The following ADAM20 variants were observed in gnomAD, a reference collection of about 807,000 sequenced individuals.
The protein encoded by ADAM20 is ADAM metallopeptidase domain 20.
For synonymous variants in ADAM20, 305 were observed against 310.2 expected (o/e 0.98, Z 0.18); for missense variants, 871 against 883.2 (o/e 0.99, Z 0.18).
chr14:70,523,853 T>C lies in ADAM20; in HGVS notation c.905A>G (p.Asp302Gly), dbSNP rs765607089. 4 of 1,613,988 alleles carry C rather than the reference T, an allele frequency of 2.5e-6. No individual in the cohort carries two copies. The highest frequency in any genetic ancestry group is 3.4e-6 in the Non-Finnish European group (4 of 1,179,942). The change falls in exon 2 of 2, where the codon GAC becomes GGC. Residue 302 changes from aspartate to glycine, a missense_variant. Transcript: ENST00000256389. Reference sequence around the variant, plus strand: ...AACACCAAGCTTCATGCCTTGTGTGTCTTTTATGAAAAGATGTGCAACATC... The same window carrying C: ...AACACCAAGCTTCATGCCTTGTGTGCCTTTTATGAAAAGATGTGCAACATC... ...QHDVAHLFIKDTQGMKLGVAY... is the reference protein window; with the variant it reads ...QHDVAHLFIKGTQGMKLGVAY...
chr14:70,567,593 A>G, the ADAM20 span, among the ~76,000 whole-genome samples: 2 of 152,106 alleles, frequency 1.3e-5, no homozygotes, highest in African/African-American at 4.8e-5. Flanking sequence ...AGCTTTTCAC[A>G]GCAGCTCCAT....
the ADAM20 span, chr14:70,556,659 C>G: frequency 6.6e-6 from 1 of 152,180 alleles, no homozygotes; most frequent in East Asian, 1.9e-4. Context: ...ACTGTACAGG[C>G]CCACTCATGT....
At chr14:70,534,102 AAAAAAAC>A (rs1482024250) in intron 1 of ADAM20, among the ~76,000 whole-genome samples, 12 of 149,618 alleles carry the variant, frequency 8.0e-5, no homozygotes, top group African/African-American at 2.9e-4. Context: ...AAAAAAAAAA[AAAAAAAC>A]ACACACACAC....
chr14:70,539,396 T>C (rs57032041), upstream of ADAM20, among the ~76,000 whole-genome samples: 16,678 of 152,240 alleles, frequency 0.11, 1,369 homozygotes, highest in East Asian at 0.49. Flanking sequence ...TTCATAGCTC[T>C]GGGAATGGAA....
chr14:70,564,010 T>C, the ADAM20 span, among the ~76,000 whole-genome samples: 2 of 152,216 alleles, frequency 1.3e-5, no homozygotes, highest in Admixed American at 6.5e-5. Flanking sequence ...CCTCAGCCCA[T>C]GACTTCTCCC....
the ADAM20 span, among the ~76,000 whole-genome samples, chr14:70,578,873 T>C: frequency 6.6e-6 from 1 of 152,152 alleles, no homozygotes; most frequent in African/African-American, 2.4e-5. Flanking sequence ...AAGTGCTTAT[T>C]GTTCCCATCT....
chr14:70,533,898 A>T (rs1595023557), intron 1 of ADAM20, among the ~76,000 whole-genome samples: 1 of 151,354 alleles, frequency 6.6e-6, no homozygotes, highest in South Asian at 2.1e-4. Context: ...GTCTGGCCAA[A>T]ATGGTGAAAC....
chr14:70,540,003 G>T (rs1184730445), upstream of ADAM20, among the ~76,000 whole-genome samples: 1 of 152,184 alleles, frequency 6.6e-6, no homozygotes, highest in Non-Finnish European at 1.5e-5. Flanking sequence ...GAGCCCTGTT[G>T]CATTGTGGGA....
chr14:70,563,773 T>C, the ADAM20 span, among the ~76,000 whole-genome samples: 1 of 152,164 alleles, frequency 6.6e-6, no homozygotes, highest in Non-Finnish European at 1.5e-5. Flanking sequence ...CACTTTACCT[T>C]CGCCATTAGT....
At position 70,532,577 on chromosome 14, in the gene ADAM20, T is replaced by A. The variant is rs1416593871; in HGVS notation, c.-177+2220A>T. Reference sequence around the variant, plus strand: ...ATTTAAATTACCATCCAATGTTAATTGTGATTAAGTTCCCTATTGATGCAA... The same window carrying A: ...ATTTAAATTACCATCCAATGTTAATAGTGATTAAGTTCCCTATTGATGCAA... On this transcript the variant is annotated intron_variant, in intron 1 of 1. Coordinates refer to ENST00000256389, the MANE Select transcript of ADAM20 (RefSeq NM_003814.5). 5.3e-5 allele frequency among the ~76,000 whole-genome samples: 8 copies of A among 152,290 alleles called. No homozygotes were observed. In the East Asian group the frequency reaches 1.5e-3, roughly 29 times the overall value.
At chr14:70,568,938 A>G in the ADAM20 span, among the ~76,000 whole-genome samples, 23 of 152,170 alleles carry the variant, frequency 1.5e-4, no homozygotes, top group Non-Finnish European at 2.5e-4. Context: ...AGAACCAGAT[A>G]TAAGAAACTG....
At chr14:70,541,952 T>TA in the ADAM20 span, among the ~76,000 whole-genome samples, 1 of 152,216 alleles carries the variant, frequency 6.6e-6, no homozygotes, top group Non-Finnish European at 1.5e-5. Context: ...ATAAGTGGTT[T>TA]TATAACTGCT....
upstream of ADAM20, among the ~76,000 whole-genome samples, chr14:70,538,907 C>T (rs1413386568): frequency 6.6e-6 from 1 of 152,198 alleles, no homozygotes; most frequent in Admixed American, 6.5e-5. Context: ...AAGTGATTCT[C>T]CTGCCTCAGC....
At chr14:70,545,488 T>C in the ADAM20 span, among the ~76,000 whole-genome samples, 22,634 of 151,780 alleles carry the variant, frequency 0.15, 2,402 homozygotes, top group East Asian at 0.49. Context: ...ACTTCACCTA[T>C]AAAGACACAC....
chr14:70,533,150 C>T (rs781278795), intron 1 of ADAM20, among the ~76,000 whole-genome samples: 6 of 152,028 alleles, frequency 3.9e-5, no homozygotes, highest in South Asian at 2.1e-4. Flanking sequence ...ACACTGTTGG[C>T]GAGAGTGTAA....
At chr14:70,541,162 C>A in the ADAM20 span, among the ~76,000 whole-genome samples, 1 of 152,140 alleles carries the variant, frequency 6.6e-6, no homozygotes, top group African/African-American at 2.4e-5. Context: ...ATGTTTACAA[C>A]AAGTCAGAAA....
At chr14:70,544,573 G>A in the ADAM20 span, among the ~76,000 whole-genome samples, 1 of 151,992 alleles carries the variant, frequency 6.6e-6, no homozygotes, top group Non-Finnish European at 1.5e-5. Flanking sequence ...AAATAACAGA[G>A]AAAATACCTA....
chr14:70,546,366 C>T, the ADAM20 span, among the ~76,000 whole-genome samples: 1 of 152,100 alleles, frequency 6.6e-6, no homozygotes, highest in Admixed American at 6.5e-5. Context: ...GGTCGAGGCA[C>T]AGCTTGGTTT....
chr14:70,524,800 G>A lies in ADAM20; in HGVS notation c.-43C>T. 1 of 1,613,600 alleles carries A rather than the reference G, an allele frequency of 6.2e-7. No individual in the cohort carries two copies. Among genetic ancestry groups the A allele is most frequent in the Non-Finnish European group, 8.5e-7 (1 of 1,179,930 alleles). ...GGAGCCATCTGTCTAGAGCAGAAGA[G>A]AACAAGGTGTGAGGCACTGCTGGTC... On this transcript the variant is annotated 5_prime_UTR_variant, in exon 2 of 2. Coordinates refer to ENST00000256389, the MANE Select transcript of ADAM20 (RefSeq NM_003814.5).
Sources: allele counts gnomAD v4.1 joint callset (sites outside exome capture counted in the v4.1 genomes callset), GRCh38; gene constraint gnomAD v4.1.1; transcripts MANE v1.5; gene names NCBI Gene and HGNC (gene_info 2026-07-23, HGNC 2026-07-21).